Variants in ARHGAP19 observed in about 807,000 individuals in gnomAD.
ARHGAP19 encodes Rho GTPase activating protein 19.
Under a neutral mutation model 60.9 loss-of-function variants are expected in ARHGAP19, and 48 were observed. The observed-to-expected ratio is 0.79, with a 90% CI of 0.62 to 1.00. The LOEUF is 1.00. Among genes scored for constraint, ARHGAP19 ranks in the 50% least tolerant of loss-of-function variants. The probability of loss-of-function intolerance (pLI) is 0.00; values close to 1 mark genes in which losing one functional copy is unlikely to be tolerated. For missense variants in ARHGAP19, 562 were observed against 597.2 expected (o/e 0.94, Z 0.61); for synonymous variants, 209 against 215.5 (o/e 0.97, Z 0.27).
chr10:97,240,474 T>C (rs764142112), intron 8 of ARHGAP19, among the ~76,000 whole-genome samples: 1 of 152,046 alleles, frequency 6.6e-6, no homozygotes, highest in African/African-American at 2.4e-5. Flanking sequence ...CAATATGGCA[T>C]AATCCCGTCT....
chr10:97,253,887 A>G (rs1419338067), intron 6 of ARHGAP19, among the ~76,000 whole-genome samples: 1 of 152,196 alleles, frequency 6.6e-6, no homozygotes, highest in East Asian at 1.9e-4. Context: ...CGTGCATAGT[A>G]TACATATAGG....
chr10:97,235,410 G>A (rs1851112217), intron 8 of ARHGAP19, 95 bp from the exon 9 acceptor site: 2 of 1,097,512 alleles, frequency 1.8e-6, no homozygotes, highest in African/African-American at 1.6e-5. Flanking sequence ...AAAAGTCCAG[G>A]AAAAACTGAG....
At chr10:97,235,498 A>G (rs1444756268) in intron 8 of ARHGAP19, among the ~76,000 whole-genome samples, 183 bp from the exon 9 acceptor site, 2 of 152,206 alleles carry the variant, frequency 1.3e-5, no homozygotes, top group African/African-American at 2.4e-5. Context: ...AGTGGATTCA[A>G]GTGCTCTGAG....
intron 9 of ARHGAP19, 104 bp downstream of exon 9, chr10:97,235,113 A>C: frequency 9.3e-7 from 1 of 1,079,058 alleles, no homozygotes; most frequent in Non-Finnish European, 1.4e-6. Context: ...CTAGCCCTTT[A>C]TAGGGTCCCC....
At chr10:97,273,427 T>C (rs1173473852) in intron 1 of ARHGAP19, among the ~76,000 whole-genome samples, 1 of 151,368 alleles carries the variant, frequency 6.6e-6, no homozygotes, top group East Asian at 1.9e-4. Context: ...CCTCCCAAAA[T>C]GCTGGAATTA....
intron 4 of ARHGAP19, among the ~76,000 whole-genome samples, chr10:97,261,416 G>T (rs1842828481): frequency 6.6e-6 from 1 of 152,152 alleles, no homozygotes; most frequent in East Asian, 1.9e-4. Flanking sequence ...GTCAATCACA[G>T]GGTAGTGGAA....
chr10:97,246,895 T>C (rs559502201), intron 6 of ARHGAP19, among the ~76,000 whole-genome samples: 4 of 152,004 alleles, frequency 2.6e-5, no homozygotes, highest in Non-Finnish European at 5.9e-5. Context: ...CCCAGCACTA[T>C]GGGAGGCCAA....
intron 2 of ARHGAP19, 193 bp downstream of exon 2, chr10:97,265,667 A>G (rs1183025174): frequency 4.8e-6 from 3 of 619,866 alleles, no homozygotes; most frequent in Non-Finnish European, 5.3e-6. Context: ...GCTTTAGTTT[A>G]ATTATTTATT....
intron 8 of ARHGAP19, among the ~76,000 whole-genome samples, chr10:97,240,939 C>T (rs759502042): frequency 6.6e-6 from 1 of 152,038 alleles, no homozygotes; most frequent in African/African-American, 2.4e-5. Context: ...CACACTTCTG[C>T]GGGTTTCAAT....
At position 97,244,029 on chromosome 10, in the gene ARHGAP19, T is replaced by A; in HGVS notation, c.1124A>T (p.Glu375Val). The A allele has an allele frequency of 6.2e-7, 1 of 1,613,948 alleles. No homozygotes were observed. Among genetic ancestry groups the A allele is most frequent in the Non-Finnish European group, 8.5e-7 (1 of 1,179,982 alleles). Residue 375 changes from glutamate (E) to valine (V), a missense_variant, in exon 8 of 12, where the codon GAG becomes GTG. Glu to Val is a moderately radical substitution (Grantham distance 121, BLOSUM62 -2). Transcript: ENST00000358531. ...CATATCATGAACGTGTTGAAACAGC[T>A]CTCTCAGTGCCTCTTCCGTATGGTG... ...TQHHTEEALRELFQHVHDMPE... is the reference protein window; with the variant it reads ...TQHHTEEALRVLFQHVHDMPE...
In ARHGAP19 at chr10:97,223,249, G is replaced by A. The variant is rs1436033069; in HGVS notation, c.*2873C>T. 1.3e-5 allele frequency: 2 copies of A among 152,102 alleles called. No individual in the cohort carries two copies. The highest frequency in any genetic ancestry group is 6.6e-5 in the Admixed American group (1 of 15,258). The allele number at this position is 152,102 out of a possible 1,614,324, so 9.4% of individuals were successfully genotyped here. ...GAGGATCAACTGTAGTTTTGGTTAC[G>A]ATTCATTACCTGCTCCTTTTTTTAC... On this transcript the variant is annotated 3_prime_UTR_variant, in exon 12 of 12. Coordinates refer to ENST00000358531, the MANE Select transcript of ARHGAP19 (RefSeq NM_032900.6).
Position 97,229,777 on chromosome 10 carries a change from T to C in ARHGAP19, c.1382A>G (p.Glu461Gly). ...ACAGTGTCTTACTAAGTTCCTATTT[T>C]CTTTGCTGGTTCCCTTCAATTCACC... is the stretch of plus-strand genomic sequence containing the variant. ...AIGELKGTSK[E>G]NRNLLFSGSP... Residue 461 changes from glutamate to glycine, a missense_variant, in exon 10 of 12, where the codon GAA becomes GGA. Transcript: ENST00000358531. The C allele has an allele frequency of 1.9e-6, 3 of 1,603,294 alleles. No homozygotes were observed. The highest frequency in any genetic ancestry group is 2.6e-6 in the Non-Finnish European group (3 of 1,171,414).
chr10:97,242,988 T>C (rs1039588933), intron 8 of ARHGAP19, among the ~76,000 whole-genome samples: 2 of 152,194 alleles, frequency 1.3e-5, no homozygotes, highest in African/African-American at 4.8e-5. Context: ...ATTATACCTG[T>C]CCTACATGAA....
At chr10:97,235,408 A>G in intron 8 of ARHGAP19, 93 bp from the exon 9 acceptor site, 2 of 1,152,940 alleles carry the variant, frequency 1.7e-6, no homozygotes, top group Non-Finnish European at 2.5e-6. Context: ...ATAAAAGTCC[A>G]GGAAAAACTG....
intron 3 of ARHGAP19, among the ~76,000 whole-genome samples, chr10:97,263,849 G>A (rs1842863383): frequency 6.6e-6 from 1 of 152,118 alleles, no homozygotes; most frequent in Non-Finnish European, 1.5e-5. Flanking sequence ...CAAACTAAAA[G>A]GTAGTCCTCC....
intron 4 of ARHGAP19, among the ~76,000 whole-genome samples, chr10:97,261,012 T>G (rs1202621093): frequency 2.0e-5 from 3 of 148,570 alleles, no homozygotes; most frequent in Non-Finnish European, 1.5e-5. Flanking sequence ...ACTCAGATAT[T>G]TTACAGCTAA....
intron 1 of ARHGAP19, among the ~76,000 whole-genome samples, chr10:97,287,805 G>A (rs1194084750): frequency 1.3e-5 from 2 of 152,044 alleles, no homozygotes; most frequent in Non-Finnish European, 2.9e-5. Flanking sequence ...GCTCACGCCT[G>A]TAATCCCAGC....
At chr10:97,271,631 C>G (rs897905166) in intron 1 of ARHGAP19, among the ~76,000 whole-genome samples, 3 of 151,986 alleles carry the variant, frequency 2.0e-5, no homozygotes, top group Non-Finnish European at 4.4e-5. Flanking sequence ...CTACTCATCA[C>G]TTAGCAAAAT....
chr10:97,230,026 G>A (rs1850978255), intron 9 of ARHGAP19, 152 bp from the exon 10 acceptor site: 2 of 584,326 alleles, frequency 3.4e-6, no homozygotes, highest in Non-Finnish European at 5.8e-6. Flanking sequence ...TCTTATACAA[G>A]AGAGGCCAAA....
Sources: allele counts gnomAD v4.1 joint callset (sites outside exome capture counted in the v4.1 genomes callset), GRCh38; gene constraint gnomAD v4.1.1; transcripts MANE v1.5; gene names NCBI Gene and HGNC (gene_info 2026-07-23, HGNC 2026-07-21).